The following FAM20B variants were observed in gnomAD, a reference collection of about 807,000 sequenced individuals.
FAM20B encodes the protein glycosaminoglycan xylosylkinase.
Under a neutral mutation model 43.8 loss-of-function variants are expected in FAM20B, and 23 were observed. The ratio of observed to expected loss-of-function variants is 0.53; its 90% CI spans 0.38 to 0.74. The LOEUF is 0.74. Among genes scored for constraint, FAM20B ranks in the 30% least tolerant of loss-of-function variants. The probability of loss-of-function intolerance (pLI) is 0.00; values close to 1 mark genes in which losing one functional copy is unlikely to be tolerated. For synonymous variants in FAM20B, 178 were observed against 192.4 expected, an observed-to-expected ratio of 0.93 and a Z score of 0.62; for missense variants, 440 against 510.5, an observed-to-expected ratio of 0.86 and a Z score of 1.33.
chr1:179,072,709 AG>A lies in FAM20B; in HGVS notation c.*566del, dbSNP rs1651976745. On this transcript the variant is annotated 3_prime_UTR_variant, in exon 8 of 8. Coordinates refer to ENST00000263733, the MANE Select transcript of FAM20B (RefSeq NM_014864.4). ...TAGAATTGGAGGGAAGGACAAAAAC[AG>A]AAAAATGTTTGGGCTTTTAAGCCAT... The A allele has an allele frequency of 6.6e-6, 1 of 152,592 alleles. No homozygotes were observed. Among genetic ancestry groups the A allele is most frequent in the South Asian group, 2.1e-4 (1 of 4,838 alleles). 9.5% of individuals were successfully genotyped at this position (152,592 alleles called of 1,614,324 possible). A position where few individuals can be genotyped will look rare whatever the true frequency, so the allele number is the denominator to read the frequency against.
upstream of FAM20B, among the ~76,000 whole-genome samples, chr1:179,024,442 G>A (rs1339837244): frequency 6.6e-6 from 1 of 152,196 alleles, no homozygotes; most frequent in Non-Finnish European, 1.5e-5. Flanking sequence ...ATGGTCTCCT[G>A]ATGTAGTGAG....
chr1:179,062,659 AAAAC>A (rs1439612895), intron 4 of FAM20B, among the ~76,000 whole-genome samples: 2 of 152,014 alleles, frequency 1.3e-5, no homozygotes, highest in African/African-American at 4.8e-5. Context: ...CAAAAAAAGA[AAAAC>A]AAAAAACAAA....
intron 4 of FAM20B, among the ~76,000 whole-genome samples, chr1:179,055,450 T>C (rs1202244446): frequency 6.6e-6 from 1 of 152,222 alleles, no homozygotes; most frequent in Non-Finnish European, 1.5e-5. Context: ...AAAAACTGAA[T>C]ATTTAAAGGA....
At chr1:179,044,695 C>T (rs2102498822) in intron 2 of FAM20B, among the ~76,000 whole-genome samples, 1 of 152,320 alleles carries the variant, frequency 6.6e-6, no homozygotes, top group African/African-American at 2.4e-5. Context: ...ATTATCCATT[C>T]ACTTACTGAA....
At chr1:179,044,757 A>T (rs1650694981) in intron 2 of FAM20B, among the ~76,000 whole-genome samples, 1 of 152,260 alleles carries the variant, frequency 6.6e-6, no homozygotes, top group Non-Finnish European at 1.5e-5. Flanking sequence ...AAGCTGCTAT[A>T]AACATCCATG....
At chr1:179,037,898 G>A (rs1416846811) in intron 1 of FAM20B, among the ~76,000 whole-genome samples, 1 of 152,030 alleles carries the variant, frequency 6.6e-6, no homozygotes, top group Non-Finnish European at 1.5e-5. Context: ...TTTGAAATAA[G>A]TTTCAAAACT....
Position 179,072,261 on chromosome 1 carries a change from A to G in FAM20B, c.*117A>G. 9 of 793,668 alleles carry G rather than the reference A, an allele frequency of 1.1e-5. No homozygotes were observed. The highest frequency in any genetic ancestry group is 1.2e-5 in the Non-Finnish European group (6 of 497,388). The allele number at this position is 793,668 out of a possible 1,614,324, so 49.2% of individuals were successfully genotyped here. On this transcript the variant is annotated 3_prime_UTR_variant, in exon 8 of 8. Coordinates refer to ENST00000263733, the MANE Select transcript of FAM20B (RefSeq NM_014864.4). ...CAGCAGCAAGTTCTGGTGACGGGAC[A>G]GAGTGGCCTTGGATGTCTTTGGTAT...
chr1:179,071,110 C>A (rs917063702), intron 7 of FAM20B, among the ~76,000 whole-genome samples: 1 of 151,624 alleles, frequency 6.6e-6, no homozygotes, highest in Non-Finnish European at 1.5e-5. Flanking sequence ...CTGGCTAACA[C>A]GGTGAAAACC....
At chr1:179,054,018 ATT>A (rs1384247996) in intron 3 of FAM20B, among the ~76,000 whole-genome samples, 68 of 151,130 alleles carry the variant, frequency 4.5e-4, no homozygotes, top group Non-Finnish European at 5.9e-5. Context: ...AAAATAAATC[ATT>A]GTTTTCAACC....
At chr1:179,035,883 A>T (rs1047938557) in intron 1 of FAM20B, among the ~76,000 whole-genome samples, 2 of 152,156 alleles carry the variant, frequency 1.3e-5, no homozygotes. Flanking sequence ...TAATCACAGC[A>T]CATTGGGGGG....
In FAM20B at chr1:179,043,993, G is replaced by A. The variant is rs755617315; in HGVS notation, c.146G>A (p.Arg49Gln). 1.7e-5 allele frequency: 27 copies of A among 1,614,032 alleles called. No individual in the cohort carries two copies. The highest frequency in any genetic ancestry group is 9.9e-5 in the South Asian group (9 of 91,078). Residue 49 changes from arginine to glutamine, a missense_variant, in exon 2 of 8, where the codon CGG becomes CAG. Transcript: ENST00000263733. ...RAFHRMMTGL[R>Q]VELAPKLDHT... ...TTTCACCGAATGATGACTGGCTTGC[G>A]GGTGGAGCTGGCACCCAAGCTGGAC...
intron 1 of FAM20B, among the ~76,000 whole-genome samples, 162 bp from the exon 2 acceptor site, chr1:179,043,553 T>G (rs1222581531): frequency 6.6e-6 from 1 of 152,184 alleles, no homozygotes; most frequent in Non-Finnish European, 1.5e-5. Flanking sequence ...GCTGCCATCA[T>G]TAGGTCCTTC....
chr1:179,026,830 T>C (rs1649810752), intron 1 of FAM20B, among the ~76,000 whole-genome samples: 1 of 152,200 alleles, frequency 6.6e-6, no homozygotes, highest in Non-Finnish European at 1.5e-5. Flanking sequence ...CGTCCTTGAT[T>C]GTGGGTTCTG....
chr1:179,054,183 T>C (rs1572549437), intron 3 of FAM20B, among the ~76,000 whole-genome samples: 1 of 152,014 alleles, frequency 6.6e-6, no homozygotes, highest in East Asian at 1.9e-4. Context: ...CCATTTTTTT[T>C]CTAATACTTT....
In FAM20B at chr1:179,040,563, C is replaced by T. The variant is rs546530510; in HGVS notation, c.-133-3152C>T. ...CTGACCCCCCTACCTCCCTCCAGGACGGGGCAGCTGGCCGGGCAGAGGGGC... is the reference window on the plus strand; with the variant it reads ...CTGACCCCCCTACCTCCCTCCAGGATGGGGCAGCTGGCCGGGCAGAGGGGC... On this transcript the variant is annotated intron_variant, in intron 1 of 7. Transcript: ENST00000263733. Among the ~76,000 whole-genome samples, 27 of 129,546 alleles carry T rather than the reference C, an allele frequency of 2.1e-4. 3 individuals carry two copies. The highest frequency in any genetic ancestry group is 5.1e-4 in the African/African-American group (16 of 31,078). The allele number at this position is 129,546 out of a possible 152,430, so 85.0% of individuals were successfully genotyped here. A position where few individuals can be genotyped will look rare whatever the true frequency, so the allele number is the denominator to read the frequency against.
chr1:179,052,388 A>G (rs1007446809), intron 3 of FAM20B, among the ~76,000 whole-genome samples: 1 of 152,050 alleles, frequency 6.6e-6, no homozygotes, highest in East Asian at 1.9e-4. Flanking sequence ...AAAAGATAAT[A>G]CTTTATTGGG....
At chr1:179,026,956 A>C (rs1649816713) in intron 1 of FAM20B, among the ~76,000 whole-genome samples, 1 of 152,194 alleles carries the variant, frequency 6.6e-6, no homozygotes, top group Non-Finnish European at 1.5e-5. Context: ...GGTTAGTCTT[A>C]ATGGAATTAT....
Position 179,063,918 on chromosome 1 carries a change from G to C in FAM20B, c.575-9G>C, listed in dbSNP as rs1335512014. 9 of 1,595,626 alleles carry C rather than the reference G, an allele frequency of 5.6e-6. No individual in the cohort carries two copies. In the African/African-American group the frequency reaches 1.2e-4, roughly 21 times the overall value. On this transcript the variant is annotated splice_polypyrimidine_tract_variant and intron_variant, in intron 4 of 7. Coordinates refer to ENST00000263733, the MANE Select transcript of FAM20B (RefSeq NM_014864.4). ...CCTTAAGTGTATTTGGCTCCTTTCTGTCCTTTAGGAAACAATACTTGTTTT... is the reference window on the plus strand; with the variant it reads ...CCTTAAGTGTATTTGGCTCCTTTCTCTCCTTTAGGAAACAATACTTGTTTT...
At chr1:179,034,075 C>T (rs1650118442) in intron 1 of FAM20B, among the ~76,000 whole-genome samples, 1 of 152,184 alleles carries the variant, frequency 6.6e-6, no homozygotes, top group South Asian at 2.1e-4. Context: ...ACAGTGACTA[C>T]ATTCTGCCAG....
Sources: gnomAD v4.1 joint callset for allele counts (sites outside exome capture counted in the v4.1 genomes callset) on GRCh38, gnomAD v4.1.1 for gene constraint, MANE v1.5 for transcripts, NCBI Gene and HGNC (gene_info 2026-07-23, HGNC 2026-07-21) for gene names.